P2RX1: variants seen among roughly 807,000 people sequenced by gnomAD.
P2RX1 encodes purinergic receptor P2X 1.
A neutral mutation model predicts 50.3 loss-of-function variants in P2RX1; 42 were observed. That is an observed-to-expected ratio of 0.83 (90% CI 0.65 to 1.08). P2RX1 has a LOEUF of 1.08. Among genes scored for constraint, P2RX1 ranks in the 50% least tolerant of loss-of-function variants. P2RX1 has a pLI of 0.00. For missense variants in P2RX1, 449 were observed against 529.0 expected (o/e 0.85, Z 1.48); for synonymous variants, 199 against 202.6 (o/e 0.98, Z 0.15).
At chr17:3,898,387 G>A (rs777974589) in intron 10 of P2RX1, 97 bp downstream of exon 10, 3 of 976,342 alleles carry the variant, frequency 3.1e-6, no homozygotes, top group East Asian at 5.1e-5. Context: ...TAGACAGTTA[G>A]GGTCAAGTTT....
At chr17:3,904,762 C>T in intron 3 of P2RX1, 96 bp downstream of exon 3, 1 of 948,164 alleles carries the variant, frequency 1.1e-6, no homozygotes, top group South Asian at 1.4e-5. Context: ...TGCAGGAAGC[C>T]TCTCTGGCTT....
rs1442997689 is a variant in P2RX1 at position 3,914,526 on chromosome 17, G to A, written c.137+1563C>T. On this transcript the variant is annotated intron_variant, in intron 1 of 11. Transcript: ENST00000225538. The surrounding 1 kb of genome is among the most constrained non-coding windows in gnomAD (Gnocchi z 4.1). ...GATCTGAAAGCAGAACTAGGGAGCC[G>A]CAGGGGCAGAGAGAGGACAGCCTTC... is the stretch of plus-strand genomic sequence containing the variant. Among the ~76,000 whole-genome samples, 2 of 152,246 alleles carry A rather than the reference G, an allele frequency of 1.3e-5. No homozygotes were observed. Among genetic ancestry groups the A allele is most frequent in the South Asian group, 2.1e-4 (1 of 4,818 alleles).
chr17:3,908,936 G>A (rs1433604378), intron 1 of P2RX1, among the ~76,000 whole-genome samples: 4 of 152,234 alleles, frequency 2.6e-5, no homozygotes, highest in Non-Finnish European at 5.9e-5. Flanking sequence ...CAAAGGCGCT[G>A]CTTATTCATT....
At chr17:3,905,802 G>C (rs1197517956) in intron 1 of P2RX1, among the ~76,000 whole-genome samples, 1 of 146,424 alleles carries the variant, frequency 6.8e-6, no homozygotes, top group Non-Finnish European at 1.5e-5. Context: ...AGCCGAGATC[G>C]CGCTATTGCA....
intron 2 of P2RX1, 34 bp from the exon 3 acceptor site, chr17:3,904,963 G>GGGGGGGGGGGGGGGGGGGGGGGCC: frequency 2.3e-6 from 1 of 435,314 alleles, no homozygotes; most frequent in Non-Finnish European, 4.7e-6. Flanking sequence ...GGTGGGGTGG[G>GGGGGGGGGGGGGGGGGGGGGGGCC]CTGGGAGCTG....
At chr17:3,908,606 G>C (rs964555128) in intron 1 of P2RX1, among the ~76,000 whole-genome samples, 1 of 152,182 alleles carries the variant, frequency 6.6e-6, no homozygotes, top group Non-Finnish European at 1.5e-5. Context: ...TGCCAGGCCT[G>C]CTCCTCCAAA....
chr17:3,904,507 G>C, intron 3 of P2RX1, 108 bp from the exon 4 acceptor site: 1 of 950,798 alleles, frequency 1.1e-6, no homozygotes, highest in Non-Finnish European at 1.6e-6. Context: ...CAGAGTCTCA[G>C]ACCTCTCTGG....
chr17:3,897,585 A>G lies in P2RX1; in HGVS notation c.*229T>C. On this transcript the variant is annotated 3_prime_UTR_variant, in exon 12 of 12. Transcript: ENST00000225538. ...CCAGCCCCAGCCATTCCCCACCAGG[A>G]GCGGCTGAGGCTAGGGTAGGGCTCC... is the stretch of plus-strand genomic sequence containing the variant. 1 of 593,338 alleles carries G rather than the reference A, an allele frequency of 1.7e-6. No homozygotes were observed. The highest frequency in any genetic ancestry group is 3.0e-6 in the Non-Finnish European group (1 of 330,412). 36.8% of individuals were successfully genotyped at this position (593,338 alleles called of 1,614,324 possible).
intron 1 of P2RX1, among the ~76,000 whole-genome samples, chr17:3,906,732 C>A (rs2056272585): frequency 6.6e-6 from 1 of 152,180 alleles, no homozygotes; most frequent in Non-Finnish European, 1.5e-5. Flanking sequence ...CCTTTGGATT[C>A]TCCACTTTCA....
At chr17:3,913,877 T>C (rs2056405568) in intron 1 of P2RX1, among the ~76,000 whole-genome samples, 1 of 151,978 alleles carries the variant, frequency 6.6e-6, no homozygotes, top group Non-Finnish European at 1.5e-5. Context: ...GGTGGTCCCC[T>C]GCAACCCGTG....
At chr17:3,908,639 T>C (rs2056309616) in intron 1 of P2RX1, among the ~76,000 whole-genome samples, 1 of 152,202 alleles carries the variant, frequency 6.6e-6, no homozygotes, top group Non-Finnish European at 1.5e-5. Flanking sequence ...TCTGGCCTTA[T>C]TGTCACCACC....
rs1340893447 is a variant in P2RX1 at position 3,914,308 on chromosome 17, G to C, written c.137+1781C>G. On this transcript the variant is annotated intron_variant, in intron 1 of 11. Coordinates refer to ENST00000225538, the MANE Select transcript of P2RX1 (RefSeq NM_002558.4). The surrounding 1 kb of genome is among the most constrained non-coding windows in gnomAD (Gnocchi z 4.1). ...ACACCGAGAAGGGCCACATCCATTT[G>C]GAAACTGATTAGACAGTCTTGGGAG... is the stretch of plus-strand genomic sequence containing the variant. Among the ~76,000 whole-genome samples the C allele has an allele frequency of 6.6e-6, 1 of 151,898 alleles. No individual in the cohort carries two copies. The highest frequency in any genetic ancestry group is 2.4e-5 in the African/African-American group (1 of 41,334).
chr17:3,897,543 G>T lies in P2RX1; in HGVS notation c.*271C>A, dbSNP rs530767364. ...AGAAGCACGAAGCTAGGGTGCAGGT[G>T]TGTGGGAGGGTCCTGCCCAGCCCCA... On this transcript the variant is annotated 3_prime_UTR_variant, in exon 12 of 12. Transcript: ENST00000225538. 1,274 of 570,780 alleles carry T rather than the reference G, an allele frequency of 2.2e-3. 15 individuals carry two copies. The highest frequency in any genetic ancestry group is 0.022 in the African/African-American group (1,166 of 53,492). The allele number at this position is 570,780 out of a possible 1,614,324, so 35.4% of individuals were successfully genotyped here. A position where few individuals can be genotyped will look rare whatever the true frequency, so the allele number is the denominator to read the frequency against.
Position 3,915,607 on chromosome 17 carries a change from C to T in P2RX1, c.137+482G>A, listed in dbSNP as rs118088863. 1.3e-3 allele frequency: 609 copies of T among 457,234 alleles called. 10 individuals are homozygous for T. In the East Asian group the frequency reaches 0.02, roughly 15 times the overall value. The allele number at this position is 457,234 out of a possible 1,614,324, so 28.3% of individuals were successfully genotyped here. A position where few individuals can be genotyped will look rare whatever the true frequency, so the allele number is the denominator to read the frequency against. ...TCAGAATGTGAGAGTTTCTCTGCTCCGGGGGCCTCAAACGTCCCTGGATGT... is the reference window on the plus strand; with the variant it reads ...TCAGAATGTGAGAGTTTCTCTGCTCTGGGGGCCTCAAACGTCCCTGGATGT... On this transcript the variant is annotated intron_variant, in intron 1 of 11. Coordinates refer to ENST00000225538, the MANE Select transcript of P2RX1 (RefSeq NM_002558.4).
Position 3,903,963 on chromosome 17 carries a change from G to A in P2RX1, c.489C>T (p.Gly163=), listed in dbSNP as rs763203190. ...NDTVKTCEIF[G]WCPVEVDDDI... ...CGTCATCCACCTCCACGGGGCACCA[G>A]CCAAAGATCTCACACGTCTTCACAG... Residue 163 remains glycine, a synonymous_variant, in exon 5 of 12, where the codon GGC becomes GGT. Transcript: ENST00000225538. This position sits in a 1 kb window ranked among gnomAD's most constrained non-coding sequence, Gnocchi z 4.6. 6 of 1,614,096 alleles carry A rather than the reference G, an allele frequency of 3.7e-6. No individual in the cohort carries two copies. Among genetic ancestry groups the A allele is most frequent in the Non-Finnish European group, 5.1e-6 (6 of 1,179,948 alleles).
chr17:3,898,023 T>C lies in P2RX1; in HGVS notation c.1120A>G (p.Met374Val). 6.2e-7 allele frequency: 1 copy of C among 1,613,582 alleles called. No homozygotes were observed. The highest frequency in any genetic ancestry group is 2.2e-5 in the East Asian group (1 of 44,802). Residue 374 changes from methionine (M) to valine (V), a missense_variant, in exon 11 of 12, where the codon ATG (methionine) becomes GTG (valine). Met to Val is a conservative substitution (Grantham distance 21, BLOSUM62 1). Transcript: ENST00000225538. ...KQKKFKYAEDMGPGAAERDLA... is the reference protein window; with the variant it reads ...KQKKFKYAEDVGPGAAERDLA... ...GGTTCTCTTACCGCCCCTGGCCCCA[T>C]GTCCTCAGCGTATTTGAACTTCTTC...
Position 3,904,912 on chromosome 17 carries a change from C to A in P2RX1, c.303G>T (p.Val101=), listed in dbSNP as rs1567653572. The A allele has an allele frequency of 1.9e-6, 3 of 1,585,552 alleles. No homozygotes were observed. Among genetic ancestry groups the A allele is most frequent in the Non-Finnish European group, 2.6e-6 (3 of 1,166,696 alleles). ...VFPAQGDNSF[V]VMTNFIVTPK... ...GGGTCACGATGAAATTGGTCATGAC[C>A]ACGAAGGAGTTGTCCCCCTAGAAGT... The change falls in exon 3 of 12, where the codon GTG becomes GTT. Residue 101 remains valine, a synonymous_variant. Transcript: ENST00000225538.
At chr17:3,909,864 T>C (rs1042659626) in intron 1 of P2RX1, among the ~76,000 whole-genome samples, 1 of 151,812 alleles carries the variant, frequency 6.6e-6, no homozygotes, top group Non-Finnish European at 1.5e-5. Flanking sequence ...GTCAAAAGGC[T>C]CTTAATACCC....
At chr17:3,902,966 G>A (rs116400311) in intron 7 of P2RX1, among the ~76,000 whole-genome samples, 1 of 149,714 alleles carries the variant, frequency 6.7e-6, no homozygotes, top group Admixed American at 6.6e-5. Flanking sequence ...CAAACATCCA[G>A]ATGACAAGGT....
Sources: gnomAD v4.1 joint callset for allele counts (sites outside exome capture counted in the v4.1 genomes callset) on GRCh38, gnomAD v4.1.1 for gene constraint, Gnocchi (gnomAD v3.1) non-coding constraint, MANE v1.5 for transcripts, NCBI Gene and HGNC (gene_info 2026-07-23, HGNC 2026-07-21) for gene names.